COL5A2: variants seen among roughly 807,000 people sequenced by gnomAD.
COL5A2 encodes collagen type V alpha 2 chain.
Under a neutral mutation model 208.2 loss-of-function variants are expected in COL5A2, and 23 were observed. The observed-to-expected ratio is 0.11, with a 90% CI of 0.08 to 0.16. The LOEUF (loss-of-function observed/expected upper bound fraction) is 0.16, where lower values mean the gene tolerates loss of function less well. Among genes scored for constraint, COL5A2 ranks in the 10% least tolerant of loss-of-function variants. The pLI, the probability that COL5A2 is intolerant of heterozygous loss-of-function variation, is 1.00. For missense variants in COL5A2, 1,590 were observed against 1,956.4 expected (o/e 0.81, Z 3.53); for synonymous variants, 625 against 628.5 (o/e 0.99, Z 0.08).
At chr2:189,160,135 C>T (rs73980169) in intron 1 of COL5A2, among the ~76,000 whole-genome samples, 10 of 152,220 alleles carry the variant, frequency 6.6e-5, no homozygotes, top group African/African-American at 2.4e-4. Flanking sequence ...AGCCAGAAAA[C>T]TGAAGCTCTA....
chr2:189,348,152 C>A, the COL5A2 span, among the ~76,000 whole-genome samples: 1 of 152,086 alleles, frequency 6.6e-6, no homozygotes, highest in Non-Finnish European at 1.5e-5. Flanking sequence ...CTTGATTATA[C>A]CTCTTTCAAC....
chr2:189,191,166 A>AAAC (rs1688921151), intron 1 of COL5A2, among the ~76,000 whole-genome samples: 2 of 104,780 alleles, frequency 1.9e-5, no homozygotes, highest in Non-Finnish European at 4.5e-5. Flanking sequence ...AAACAAACAA[A>AAAC]CAACAAAAAA....
intron 7 of COL5A2, among the ~76,000 whole-genome samples, chr2:189,090,159 C>T (rs568808484): frequency 1.3e-5 from 2 of 152,258 alleles, no homozygotes; most frequent in South Asian, 4.1e-4. Context: ...TCAGTAAACA[C>T]ACAAATAATA....
intron 1 of COL5A2, among the ~76,000 whole-genome samples, chr2:189,210,839 A>C (rs1057476776): frequency 3.3e-5 from 5 of 152,196 alleles, no homozygotes; most frequent in Non-Finnish European, 5.9e-5. Context: ...GGAGGCAGGA[A>C]AAGCAGAGTG....
chr2:189,051,585 A>G (rs2105559892), intron 41 of COL5A2, 104 bp from the exon 42 acceptor site: 1 of 1,027,996 alleles, frequency 9.7e-7, no homozygotes, highest in Non-Finnish European at 1.4e-6. Context: ...CAAGCCTCGC[A>G]GGTTCATTTT....
At chr2:189,076,295 T>C (rs966911056) in intron 16 of COL5A2, among the ~76,000 whole-genome samples, 1 of 152,140 alleles carries the variant, frequency 6.6e-6, no homozygotes, top group African/African-American at 2.4e-5. Flanking sequence ...AAGCAAACTC[T>C]AAAGTGGGAT....
the COL5A2 span, among the ~76,000 whole-genome samples, chr2:189,423,600 T>C: frequency 6.6e-6 from 1 of 152,022 alleles, no homozygotes; most frequent in African/African-American, 2.4e-5. Context: ...AACAATTATA[T>C]GCCAACAAAT....
intron 1 of COL5A2, among the ~76,000 whole-genome samples, chr2:189,209,931 A>C (rs1206823131): frequency 1.3e-5 from 2 of 152,206 alleles, no homozygotes; most frequent in Admixed American, 1.3e-4. Context: ...TAAAGATTTC[A>C]GAGCCCTGAG....
rs1057520896 is a variant in COL5A2 at position 189,064,550 on chromosome 2, T to C, written c.1716+7A>G. On this transcript the variant is annotated splice_region_variant and intron_variant, in intron 25 of 53. Coordinates refer to ENST00000374866, the MANE Select transcript of COL5A2 (RefSeq NM_000393.5). ...TTTGATGTAGCAAACACTTGCTATA[T>C]TCTTACCCGAGCACCTGGAAGCCCA... 2.5e-6 allele frequency: 4 copies of C among 1,609,160 alleles called. No homozygotes were observed. In the Middle Eastern group the frequency reaches 5.0e-4, roughly 199 times the overall value.
chr2:189,329,880 A>G, the COL5A2 span, among the ~76,000 whole-genome samples: 1 of 152,192 alleles, frequency 6.6e-6, no homozygotes, highest in Admixed American at 6.5e-5. Flanking sequence ...TAACCAATAC[A>G]AAAACAGAAA....
Position 189,109,809 on chromosome 2 carries a change from A to G in COL5A2, c.322+416T>C, listed in dbSNP as rs145230775. On this transcript the variant is annotated intron_variant, in intron 2 of 53. Transcript: ENST00000374866. ...GCTGTGGCACTGAATTACATTAGGA[A>G]TAAGTATTCCATTCACTAGGACAAA... Among the ~76,000 whole-genome samples the G allele has an allele frequency of 1.4e-4, 22 of 152,334 alleles. No individual in the cohort carries two copies. The East Asian group carries it at 4.1e-3, about 28-fold the overall frequency.
At chr2:189,388,976 G>C in the COL5A2 span, among the ~76,000 whole-genome samples, 2 of 152,100 alleles carry the variant, frequency 1.3e-5, no homozygotes, top group African/African-American at 4.8e-5. Flanking sequence ...ACATTCTATC[G>C]CAAGCAAGCT....
chr2:189,261,318 GA>G, the COL5A2 span, among the ~76,000 whole-genome samples: 4 of 152,112 alleles, frequency 2.6e-5, no homozygotes, highest in African/African-American at 9.7e-5. Flanking sequence ...TACATATGTT[GA>G]AAATAACATC....
Position 189,130,743 on chromosome 2 carries a change from T to C in COL5A2, c.98-20294A>G, listed in dbSNP as rs187195024. Among the ~76,000 whole-genome samples, 321 of 152,126 alleles carry C rather than the reference T, an allele frequency of 2.1e-3. 4 individuals carry two copies. The highest frequency in any genetic ancestry group is 2.7e-3 in the Admixed American group (42 of 15,276). On this transcript the variant is annotated intron_variant, in intron 1 of 53. Transcript: ENST00000374866. ...ATTTTACAAATGAAATATTAGAGTA[T>C]AAACCAGTCTACAAACCTACCTTTT...
intron 24 of COL5A2, 138 bp downstream of exon 24, chr2:189,064,865 TG>T (rs1559086670): frequency 3.3e-5 from 30 of 906,898 alleles, no homozygotes; most frequent in Non-Finnish European, 1.8e-6. Flanking sequence ...AAGAGAGGAT[TG>T]GGGTTAGGCC....
intron 8 of COL5A2, among the ~76,000 whole-genome samples, chr2:189,088,179 G>T (rs1686705614): frequency 6.6e-6 from 1 of 152,126 alleles, no homozygotes; most frequent in Admixed American, 6.6e-5. Flanking sequence ...AAAAAAATGG[G>T]AGTCTTTCTG....
intron 1 of COL5A2, among the ~76,000 whole-genome samples, chr2:189,218,626 T>C (rs1265230825): frequency 1.3e-5 from 2 of 152,160 alleles, no homozygotes; most frequent in Non-Finnish European, 2.9e-5. Context: ...AATATGAACA[T>C]GTCTTATGGT....
chr2:189,043,215 C>T lies in COL5A2; in HGVS notation c.3407G>A (p.Arg1136Gln), dbSNP rs562950263. 1.4e-4 allele frequency: 220 copies of T among 1,613,890 alleles called. 2 individuals carry two copies. In the South Asian group the frequency reaches 1.7e-3, roughly 13 times the overall value. ...GTGGCCCTTCTGACCTCTGTCACCT[C>T]GGTCTCCATGATCACCTTTGTCACC... ...PRGDKGDHGDRGDRGQKGHRG... is the reference protein window; with the variant it reads ...PRGDKGDHGDQGDRGQKGHRG... The change falls in exon 48 of 54, where the codon CGA (arginine) becomes CAA (glutamine). Residue 1136 changes from arginine to glutamine, a missense_variant. Transcript: ENST00000374866.
At chr2:189,213,468 A>C (rs1205931302) in intron 1 of COL5A2, among the ~76,000 whole-genome samples, 1 of 152,214 alleles carries the variant, frequency 6.6e-6, no homozygotes, top group Admixed American at 6.5e-5. Context: ...AGAACACATC[A>C]GCTGTGATCT....
Sources: allele counts gnomAD v4.1 joint callset (sites outside exome capture counted in the v4.1 genomes callset), GRCh38; gene constraint gnomAD v4.1.1; transcripts MANE v1.5; gene names NCBI Gene and HGNC (gene_info 2026-07-23, HGNC 2026-07-21).